KAZN: variants seen among roughly 807,000 people sequenced by gnomAD.
KAZN encodes the protein kazrin.
KAZN carries 40 observed loss-of-function variants against 87.4 expected under a neutral mutation model. The observed-to-expected ratio is 0.46, with a 90% CI of 0.36 to 0.60. The LOEUF is 0.60. KAZN is among the 20% of genes least tolerant of loss of function. The pLI is 0.00. For synonymous variants in KAZN, 466 were observed against 458.3 expected (o/e 1.02, Z -0.22); for missense variants, 898 against 1,073.9 (o/e 0.84, Z 2.29).
Position 14,532,251 on chromosome 1 carries a change from C to G in KAZN, c.250-66732C>G, listed in dbSNP as rs541868780. The stretch of plus-strand genomic sequence containing the variant: ...TGTCCCATCCACCCCCTCCAAAGCC[C>G]AGAGTCCAGGGTCCTCACCCTAGTT... On this transcript the variant is annotated intron_variant, in intron 2 of 16. Coordinates refer to the KAZN transcript ENST00000636203. Among the ~76,000 whole-genome samples the G allele has an allele frequency of 6.6e-5, 10 of 152,164 alleles. No individual in the cohort carries two copies. The South Asian group carries it at 1.5e-3, about 22-fold the overall frequency.
At chr1:14,841,099 T>C (rs1647918994) in intron 1 of KAZN, among the ~76,000 whole-genome samples, 1 of 152,188 alleles carries the variant, frequency 6.6e-6, no homozygotes, top group African/African-American at 2.4e-5. Context: ...CCATATGTAC[T>C]TTTGCAGGCA....
intron 1 of KAZN, among the ~76,000 whole-genome samples, chr1:14,785,461 AC>A (rs1209508475): frequency 1.3e-5 from 2 of 152,128 alleles, no homozygotes; most frequent in Non-Finnish European, 2.9e-5. Flanking sequence ...CAGAATGGAT[AC>A]CTCAGGGGAG....
At chr1:14,381,891 C>T (rs1005573529) in intron 2 of KAZN, among the ~76,000 whole-genome samples, 1 of 152,092 alleles carries the variant, frequency 6.6e-6, no homozygotes, top group Admixed American at 6.5e-5. Flanking sequence ...GTCAAATATC[C>T]TTGTTTGAAG....
chr1:14,585,583 C>A (rs1163176464), intron 2 of KAZN, among the ~76,000 whole-genome samples: 1 of 152,162 alleles, frequency 6.6e-6, no homozygotes, highest in East Asian at 1.9e-4. Context: ...AGCCCACTAG[C>A]AATCCAGGGG....
rs1280062457 is a variant in KAZN at position 14,961,793 on chromosome 1, C to T, written c.418+918C>T. 3.9e-5 allele frequency among the ~76,000 whole-genome samples: 6 copies of T among 152,212 alleles called. No individual in the cohort carries two copies. The East Asian group carries it at 7.7e-4, about 19-fold the overall frequency. Reference sequence around the variant, plus strand: ...AAAAATGTTGTTTCTGAAGCTAAAGCAGGTTTATTAATTAGGTTAATACCA... The same window carrying T: ...AAAAATGTTGTTTCTGAAGCTAAAGTAGGTTTATTAATTAGGTTAATACCA... On this transcript the variant is annotated intron_variant, in intron 2 of 14. Transcript: ENST00000376030.
At chr1:14,467,454 A>G (rs550456742) in intron 2 of KAZN, among the ~76,000 whole-genome samples, 16 of 152,192 alleles carry the variant, frequency 1.1e-4, no homozygotes, top group African/African-American at 3.8e-4. Context: ...AACAAATAGC[A>G]AAATGGCAGA....
intron 2 of KAZN, among the ~76,000 whole-genome samples, chr1:14,413,367 G>A (rs1249864460): frequency 6.6e-6 from 1 of 151,862 alleles, no homozygotes; most frequent in Non-Finnish European, 1.5e-5. Context: ...GAGGCGGGCG[G>A]ATCACGAGGT....
At chr1:14,366,162 A>G (rs1384199246) in intron 2 of KAZN, among the ~76,000 whole-genome samples, 1 of 152,260 alleles carries the variant, frequency 6.6e-6, no homozygotes, top group Admixed American at 6.5e-5. Flanking sequence ...ATAATCCTTT[A>G]CAGTGGAAAG....
chr1:14,333,294 C>T (rs552847198), intron 2 of KAZN, among the ~76,000 whole-genome samples: 2 of 152,302 alleles, frequency 1.3e-5, no homozygotes, highest in East Asian at 3.9e-4. Context: ...CATTGATGGG[C>T]ATTCGGGTTG....
chr1:14,701,875 C>T (rs1297985056), intron 1 of KAZN, among the ~76,000 whole-genome samples: 2 of 152,172 alleles, frequency 1.3e-5, no homozygotes, highest in Non-Finnish European at 2.9e-5. Context: ...CATTTCCTTA[C>T]GCACTTCCCC....
At chr1:14,022,570 C>A (rs1015495625) in intron 1 of KAZN, among the ~76,000 whole-genome samples, 1 of 148,814 alleles carries the variant, frequency 6.7e-6, no homozygotes, top group Admixed American at 6.7e-5. Flanking sequence ...TTTTATATGT[C>A]GTATGATGCA....
At chr1:14,296,468 G>A (rs941292846) in intron 2 of KAZN, among the ~76,000 whole-genome samples, 36 of 152,096 alleles carry the variant, frequency 2.4e-4, no homozygotes, top group African/African-American at 8.5e-4. Flanking sequence ...TGCCCACACT[G>A]TGACGAGCTC....
At chr1:14,019,163 T>A (rs1640709212) in intron 1 of KAZN, among the ~76,000 whole-genome samples, 1 of 152,224 alleles carries the variant, frequency 6.6e-6, no homozygotes, top group African/African-American at 2.4e-5. Flanking sequence ...AAACGACTTG[T>A]TTTGTGTAAC....
At chr1:14,491,964 C>T (rs942742054) in intron 2 of KAZN, among the ~76,000 whole-genome samples, 8 of 152,126 alleles carry the variant, frequency 5.3e-5, no homozygotes, top group Admixed American at 4.6e-4. Context: ...TTCAGTGTCT[C>T]GAGCAGTAAG....
chr1:14,799,742 C>T (rs1265368342), intron 1 of KAZN, among the ~76,000 whole-genome samples: 1 of 152,046 alleles, frequency 6.6e-6, no homozygotes, highest in East Asian at 1.9e-4. Flanking sequence ...CCCAGAAACC[C>T]CTTAAGAACT....
chr1:14,293,991 C>T (rs1273687245), intron 2 of KAZN, among the ~76,000 whole-genome samples: 1 of 152,292 alleles, frequency 6.6e-6, no homozygotes, highest in African/African-American at 2.4e-5. Flanking sequence ...CCTGATAGGG[C>T]TCTCAGTGCA....
intron 1 of KAZN, among the ~76,000 whole-genome samples, chr1:14,126,254 G>A (rs1644863154): frequency 6.6e-6 from 1 of 152,124 alleles, no homozygotes; most frequent in African/African-American, 2.4e-5. Context: ...GGTTTCCCTA[G>A]GGGAAGCAGC....
At chr1:13,973,476 A>C (rs1642203454) in intron 1 of KAZN, among the ~76,000 whole-genome samples, 1 of 152,166 alleles carries the variant, frequency 6.6e-6, no homozygotes, top group African/African-American at 2.4e-5. Context: ...CTTGCTTCTC[A>C]CCAGGTTGCC....
At position 14,000,973 on chromosome 1, in the gene KAZN, G is replaced by A. The variant is rs1166356523; in HGVS notation, c.91+107217G>A. 3.3e-5 allele frequency among the ~76,000 whole-genome samples: 5 copies of A among 151,548 alleles called. No homozygotes were observed. The East Asian group carries it at 7.8e-4, about 24-fold the overall frequency. On this transcript the variant is annotated intron_variant, in intron 1 of 16. Transcript: ENST00000636203. Reference sequence around the variant, plus strand: ...AATTTTTTGTATTTTTAGTAGAGACGGGGTTTCACCGTTTTAGCCGGGATG... The same window carrying A: ...AATTTTTTGTATTTTTAGTAGAGACAGGGTTTCACCGTTTTAGCCGGGATG...
Sources: gnomAD v4.1 joint callset for allele counts (sites outside exome capture counted in the v4.1 genomes callset) on GRCh38, gnomAD v4.1.1 for gene constraint, MANE v1.5 for transcripts, NCBI Gene and HGNC (gene_info 2026-07-23, HGNC 2026-07-21) for gene names.